Variants in ZBTB11 observed in about 807,000 individuals in gnomAD.
The protein encoded by ZBTB11 is zinc finger and BTB domain-containing protein 11.
In ZBTB11, 68 loss-of-function variants were observed where a neutral mutation model predicts 113.1. The observed-to-expected ratio is 0.60, with a 90% CI of 0.49 to 0.74. ZBTB11 has a LOEUF of 0.74. Ranked by LOEUF, ZBTB11 falls within the 30% of genes least tolerant of loss-of-function variation. The pLI is 0.00. For synonymous variants in ZBTB11, 518 were observed against 452.6 expected, an observed-to-expected ratio of 1.14 and a Z score of -1.83; for missense variants, 1,104 against 1,279.4, an observed-to-expected ratio of 0.86 and a Z score of 2.09.
At chr3:101,664,459 G>A (rs766601789) in intron 5 of ZBTB11, 79 bp downstream of exon 5, 340 of 1,385,812 alleles carry the variant, frequency 2.5e-4, no homozygotes, top group Non-Finnish European at 3.1e-4. Flanking sequence ...GAATACAAGC[G>A]AAAAGATAAC....
intron 6 of ZBTB11, 52 bp downstream of exon 6, chr3:101,659,731 A>T: frequency 6.3e-7 from 1 of 1,596,352 alleles, no homozygotes; most frequent in South Asian, 1.1e-5. Context: ...TTTGGCACAC[A>T]TAGTTAAGTT....
At chr3:101,659,735 T>G in intron 6 of ZBTB11, 48 bp downstream of exon 6, 1 of 1,600,246 alleles carries the variant, frequency 6.2e-7, no homozygotes, top group Non-Finnish European at 8.5e-7. Flanking sequence ...GCACACATAG[T>G]TAAGTTCTAA....
chr3:101,667,292 G>C (rs891268043), intron 3 of ZBTB11, among the ~76,000 whole-genome samples: 4 of 152,120 alleles, frequency 2.6e-5, no homozygotes, highest in Admixed American at 2.6e-4. Context: ...CTCCTGCCTT[G>C]GCATCTCAAA....
At chr3:101,664,496 T>G in intron 5 of ZBTB11, 42 bp downstream of exon 5, 1 of 1,550,986 alleles carries the variant, frequency 6.4e-7, no homozygotes, top group East Asian at 2.3e-5. Context: ...TTCTATATAT[T>G]ATGAATTAGA....
At chr3:101,664,365 T>A (rs931639447) in intron 5 of ZBTB11, among the ~76,000 whole-genome samples, 173 bp downstream of exon 5, 1 of 152,206 alleles carries the variant, frequency 6.6e-6, no homozygotes. Flanking sequence ...GAGATAAGGC[T>A]AAGTCACTGA....
In ZBTB11 at chr3:101,665,356, A is replaced by C; in HGVS notation, c.1231T>G (p.Ser411Ala). 1 of 1,614,078 alleles carries C rather than the reference A, an allele frequency of 6.2e-7. No homozygotes were observed. The highest frequency in any genetic ancestry group is 8.5e-7 in the Non-Finnish European group (1 of 1,180,014). Residue 411 changes from serine (S) to alanine (A), a missense_variant, in exon 4 of 11, where the codon TCT (serine) becomes GCT (alanine). Physicochemically the swap from Ser to Ala is moderately conservative, Grantham distance 99. Around this residue, in one of 5 missense-constraint regions of ZBTB11, gnomAD observed 535 missense variants for 518.6 expected, o/e 1.03. Coordinates refer to ENST00000312938, the MANE Select transcript of ZBTB11 (RefSeq NM_014415.4). ...TTGTTTTTTGTTATTAAATCAACAG[A>C]CTCCATTTCAGGATGGGAATCAGCT... ...CIADSHPEME[S>A]VDLITKNNQT...
chr3:101,664,338 G>A (rs975598932), intron 5 of ZBTB11, among the ~76,000 whole-genome samples, 200 bp downstream of exon 5: 2 of 152,034 alleles, frequency 1.3e-5, no homozygotes, highest in Non-Finnish European at 2.9e-5. Flanking sequence ...GTCTTACTAC[G>A]GTATCAAGAG....
In ZBTB11 at chr3:101,665,339, T is replaced by C; in HGVS notation, c.1248A>G (p.Thr416=). 2 of 1,614,252 alleles carry C rather than the reference T, an allele frequency of 1.2e-6. No homozygotes were observed. Among genetic ancestry groups the C allele is most frequent in the Non-Finnish European group, 1.7e-6 (2 of 1,180,050 alleles). ...HPEMESVDLI[T]KNNQTELETS... is the part of the protein sequence containing the mutation. ...TTTCTAGTTCTGTCTGGTTGTTTTT[T>C]GTTATTAAATCAACAGACTCCATTT... Residue 416 remains threonine, a synonymous_variant, in exon 4 of 11, where the codon ACA becomes ACG. Transcript: ENST00000312938.
chr3:101,671,726 T>C (rs1017610649), intron 2 of ZBTB11: 9 of 596,624 alleles, frequency 1.5e-5, no homozygotes, highest in African/African-American at 7.4e-5. Flanking sequence ...CTTGTACCAA[T>C]ATATCATCAC....
chr3:101,656,651 T>C (rs1576644879), intron 6 of ZBTB11, among the ~76,000 whole-genome samples: 1 of 152,298 alleles, frequency 6.6e-6, no homozygotes, highest in East Asian at 1.9e-4. Context: ...TATTTTTTTT[T>C]CCTTTTCCAC....
At chr3:101,671,461 G>A in intron 2 of ZBTB11, 100 bp from the exon 3 acceptor site, 1 of 810,614 alleles carries the variant, frequency 1.2e-6, no homozygotes, top group Non-Finnish European at 2.0e-6. Flanking sequence ...CTTTTACCAG[G>A]TATGAATAAT....
intron 7 of ZBTB11, 34 bp downstream of exon 7, chr3:101,656,069 GA>G: frequency 7.1e-7 from 1 of 1,408,978 alleles, no homozygotes. Flanking sequence ...AATAGTTTAT[GA>G]AATGTAACTA....
Position 101,676,972 on chromosome 3 carries a change from T to C in ZBTB11, c.-58A>G. 1 of 1,483,886 alleles carries C rather than the reference T, an allele frequency of 6.7e-7. No homozygotes were observed. Among genetic ancestry groups the C allele is most frequent in the Non-Finnish European group, 9.0e-7 (1 of 1,115,376 alleles). 91.9% of individuals were successfully genotyped at this position (1,483,886 alleles called of 1,614,324 possible). On this transcript the variant is annotated 5_prime_UTR_variant, in exon 1 of 11. Transcript: ENST00000312938. ...GGGACAGGTGAGGAAAACGGCCCGC[T>C]ACCTACGGGCGGCTGCAGGAGGAGC...
At chr3:101,667,204 G>C (rs567225699) in intron 3 of ZBTB11, among the ~76,000 whole-genome samples, 3 of 152,178 alleles carry the variant, frequency 2.0e-5, no homozygotes, top group Non-Finnish European at 4.4e-5. Flanking sequence ...CGTGCACCTG[G>C]TTATTTTTAT....
At chr3:101,653,129 T>C (rs573798035) in intron 8 of ZBTB11, among the ~76,000 whole-genome samples, 191 bp from the exon 9 acceptor site, 1 of 152,316 alleles carries the variant, frequency 6.6e-6, no homozygotes, top group East Asian at 1.9e-4. Flanking sequence ...CTACTAGAAA[T>C]GTTTTAGAAA....
intron 3 of ZBTB11, 64 bp from the exon 4 acceptor site, chr3:101,665,872 T>C: frequency 7.0e-7 from 1 of 1,434,504 alleles, no homozygotes; most frequent in Non-Finnish European, 9.4e-7. Flanking sequence ...TACAGAATTA[T>C]GACAATATAA....
At chr3:101,672,266 ATATAT>A in intron 1 of ZBTB11, 53 bp from the exon 2 acceptor site, 1 of 1,278,324 alleles carries the variant, frequency 7.8e-7, no homozygotes. Flanking sequence ...TGAAAACAGA[ATATAT>A]TATTTAGTCT....
At chr3:101,659,690 G>T in intron 6 of ZBTB11, 93 bp downstream of exon 6, 1 of 1,452,456 alleles carries the variant, frequency 6.9e-7, no homozygotes, top group Non-Finnish European at 9.4e-7. Context: ...ACAAATGAGA[G>T]TGACTTGAGA....
chr3:101,660,108 G>A (rs1017473274), intron 5 of ZBTB11, 80 bp from the exon 6 acceptor site: 29 of 1,397,350 alleles, frequency 2.1e-5, no homozygotes, highest in Non-Finnish European at 2.5e-5. Context: ...TTTGGACTTT[G>A]TTTTTGTTAC....
Sources: gnomAD v4.1 joint callset for allele counts (sites outside exome capture counted in the v4.1 genomes callset) on GRCh38, gnomAD v4.1.1 for gene constraint, gnomAD v4.1.1 regional missense constraint, MANE v1.5 for transcripts, NCBI Gene and HGNC (gene_info 2026-07-23, HGNC 2026-07-21) for gene names.